Variants in FOXP2 observed in about 807,000 individuals in gnomAD.
The protein encoded by FOXP2 is forkhead box P2.
FOXP2 carries 12 observed loss-of-function variants against 115.8 expected under a neutral mutation model. That is an observed-to-expected ratio of 0.10 (90% confidence interval 0.07 to 0.17). The LOEUF is 0.17. Among genes scored for constraint, FOXP2 ranks in the 10% least tolerant of loss-of-function variants. FOXP2 has a pLI of 1.00. For missense variants in FOXP2, 629 were observed against 843.5 expected, an observed-to-expected ratio of 0.75 and a Z score of 3.15; for synonymous variants, 328 against 297.7, an observed-to-expected ratio of 1.10 and a Z score of -1.05.
At chr7:114,227,855 C>G (rs1584560308) in intron 1 of FOXP2, among the ~76,000 whole-genome samples, 2 of 151,970 alleles carry the variant, frequency 1.3e-5, no homozygotes, top group Admixed American at 1.3e-4. Context: ...TAGAGATGGT[C>G]CACAAAATGG....
intron 1 of FOXP2, among the ~76,000 whole-genome samples, chr7:114,423,947 CT>C (rs1029278473): frequency 6.6e-6 from 1 of 151,420 alleles, no homozygotes; most frequent in African/African-American, 2.4e-5. Flanking sequence ...AGATACTCCT[CT>C]TTTGTAGAGC....
At chr7:114,093,979 T>C (rs1799593792) in intron 1 of FOXP2, among the ~76,000 whole-genome samples, 1 of 152,096 alleles carries the variant, frequency 6.6e-6, no homozygotes. Flanking sequence ...ATGTAAATAT[T>C]TCTAATGGGT....
intron 1 of FOXP2, among the ~76,000 whole-genome samples, chr7:114,425,158 AT>A (rs1362873680): frequency 6.6e-6 from 1 of 151,592 alleles, no homozygotes; most frequent in Non-Finnish European, 1.5e-5. Context: ...GGAAGCTTGC[AT>A]TTGCTTTATA....
intron 2 of FOXP2, among the ~76,000 whole-genome samples, chr7:114,354,545 C>G (rs889413723): frequency 6.6e-6 from 1 of 152,098 alleles, no homozygotes; most frequent in African/African-American, 2.4e-5. Context: ...TTTCTCTCCT[C>G]CCTTCACCCA....
At chr7:114,459,601 TTTTG>T (rs1036808749) in intron 2 of FOXP2, among the ~76,000 whole-genome samples, 1 of 152,100 alleles carries the variant, frequency 6.6e-6, no homozygotes, top group African/African-American at 2.4e-5. Context: ...TTCTTTGGTT[TTTTG>T]TTTGTTTTTG....
chr7:114,147,962 C>T lies in FOXP2; in HGVS notation c.-246-14982C>T, dbSNP rs573497568. ...ATCAGTATCACTTCTGGAAGCTCTT[C>T]TTTTTTCTCCTAGGATGGAAATAAG... On this transcript the variant is annotated intron_variant, in intron 1 of 19. Coordinates refer to the FOXP2 transcript ENST00000635638. Among the ~76,000 whole-genome samples the T allele has an allele frequency of 2.1e-3, 318 of 152,244 alleles. 1 individual carries two copies. The highest frequency in any genetic ancestry group is 0.017 in the South Asian group (80 of 4,822).
intron 2 of FOXP2, among the ~76,000 whole-genome samples, chr7:114,330,788 A>G (rs913957568): frequency 6.6e-6 from 1 of 152,154 alleles, no homozygotes; most frequent in Non-Finnish European, 1.5e-5. Context: ...AAATCCGACA[A>G]TAATATCTGT....
intron 3 of FOXP2, among the ~76,000 whole-genome samples, chr7:114,620,822 A>C (rs1043148634): frequency 2.0e-5 from 3 of 152,066 alleles, no homozygotes; most frequent in African/African-American, 7.2e-5. Flanking sequence ...CTTTCATAAA[A>C]AAATTGTATT....
At chr7:114,659,731 A>C in intron 13 of FOXP2, 58 bp downstream of exon 13, 2 of 1,325,780 alleles carry the variant, frequency 1.5e-6, no homozygotes, top group Non-Finnish European at 2.2e-6. Context: ...AGATAGCACA[A>C]GGAACATTTA....
At chr7:114,521,249 A>G (rs1259441614) in intron 2 of FOXP2, among the ~76,000 whole-genome samples, 2 of 152,140 alleles carry the variant, frequency 1.3e-5, no homozygotes, top group Non-Finnish European at 2.9e-5. Flanking sequence ...AAGCATGAAC[A>G]CTACTTGGAT....
At chr7:114,680,433 G>A (rs1808025373) in intron 16 of FOXP2, among the ~76,000 whole-genome samples, 1 of 152,210 alleles carries the variant, frequency 6.6e-6, no homozygotes, top group South Asian at 2.1e-4. Flanking sequence ...TTAAAGGAAT[G>A]TGATGTTTTA....
At chr7:114,525,735 A>G (rs1475986607) in intron 2 of FOXP2, among the ~76,000 whole-genome samples, 1 of 152,096 alleles carries the variant, frequency 6.6e-6, no homozygotes, top group Non-Finnish European at 1.5e-5. Flanking sequence ...TCTCCTCCCC[A>G]TAAGTCTATC....
chr7:114,383,480 G>C (rs1792362209), intron 2 of FOXP2, among the ~76,000 whole-genome samples: 1 of 152,106 alleles, frequency 6.6e-6, no homozygotes. Flanking sequence ...GACTCTGAGG[G>C]CTTCCTGTAG....
In FOXP2 at chr7:114,444,815, T is replaced by C. The variant is rs946839848; in HGVS notation, c.168+18136T>C. 3.9e-5 allele frequency among the ~76,000 whole-genome samples: 6 copies of C among 152,266 alleles called. No homozygotes were observed. The East Asian group carries it at 1.2e-3, about 29-fold the overall frequency. ...TTAATATGTACTGCATGATTACAGT[T>C]AACATTTTAAAAGTTCAAAGAACAA... On this transcript the variant is annotated intron_variant, in intron 2 of 16. Coordinates refer to ENST00000350908, the MANE Select transcript of FOXP2 (RefSeq NM_014491.4).
intron 2 of FOXP2, among the ~76,000 whole-genome samples, chr7:114,501,066 G>GA (rs1208389912): frequency 2.6e-5 from 4 of 152,026 alleles, no homozygotes; most frequent in Non-Finnish European, 5.9e-5. Flanking sequence ...GCATGAAATT[G>GA]AAAAAGAATC....
chr7:114,225,429 TTTA>T (rs1480895522), intron 1 of FOXP2, among the ~76,000 whole-genome samples: 1 of 152,006 alleles, frequency 6.6e-6, no homozygotes, highest in Non-Finnish European at 1.5e-5. Flanking sequence ...TTCACTGTTG[TTTA>T]TTTTTTGCTT....
intron 1 of FOXP2, among the ~76,000 whole-genome samples, chr7:114,187,613 T>G: frequency 6.6e-6 from 1 of 152,222 alleles, no homozygotes; most frequent in East Asian, 1.9e-4. Context: ...CAGACTTTCC[T>G]ATAGCATTCA....
At chr7:114,116,918 T>G (rs1791423300) in intron 1 of FOXP2, among the ~76,000 whole-genome samples, 1 of 152,064 alleles carries the variant, frequency 6.6e-6, no homozygotes, top group Non-Finnish European at 1.5e-5. Context: ...TCCAAGGTAA[T>G]CCTTTGGGGG....
intron 2 of FOXP2, among the ~76,000 whole-genome samples, chr7:114,502,342 T>C (rs1797601440): frequency 6.6e-6 from 1 of 152,074 alleles, no homozygotes; most frequent in Non-Finnish European, 1.5e-5. Context: ...GGATGGAATG[T>C]TTTTAGTTTC....
Sources: allele counts gnomAD v4.1 joint callset (sites outside exome capture counted in the v4.1 genomes callset), GRCh38; gene constraint gnomAD v4.1.1; transcripts MANE v1.5; gene names NCBI Gene and HGNC (gene_info 2026-07-23, HGNC 2026-07-21).